ANKFN1: variants seen among roughly 807,000 people sequenced by gnomAD.
ANKFN1 encodes ankyrin repeat and fibronectin type III domain containing 1.
Under a neutral mutation model 108.7 loss-of-function variants are expected in ANKFN1, and 74 were observed. The observed-to-expected ratio is 0.68, with a 90% CI of 0.56 to 0.83. ANKFN1 has a LOEUF of 0.83. Ranked by LOEUF, ANKFN1 falls within the 40% of genes least tolerant of loss-of-function variation. The pLI, the probability that ANKFN1 is intolerant of heterozygous loss-of-function variation, is 0.00. For synonymous variants in ANKFN1, 547 were observed against 516.2 expected, an observed-to-expected ratio of 1.06 and a Z score of -0.81; for missense variants, 1,505 against 1,382.3, an observed-to-expected ratio of 1.09 and a Z score of -1.41.
chr17:56,361,821 A>G (rs1422916288), intron 6 of ANKFN1, among the ~76,000 whole-genome samples: 6 of 152,100 alleles, frequency 3.9e-5, no homozygotes, highest in South Asian at 2.1e-4. Flanking sequence ...TTCTTGCTAT[A>G]TGGGTCTCTC....
intron 1 of ANKFN1, among the ~76,000 whole-genome samples, chr17:56,205,892 A>T (rs935688778): frequency 9.2e-5 from 14 of 152,152 alleles, no homozygotes; most frequent in African/African-American, 3.4e-4. Context: ...CCCCTACAGG[A>T]GAAGTAATCA....
chr17:56,231,627 C>T (rs1916742871), intron 3 of ANKFN1, among the ~76,000 whole-genome samples: 1 of 152,156 alleles, frequency 6.6e-6, no homozygotes, highest in South Asian at 2.1e-4. Context: ...GGGCCTATGC[C>T]CATCGTTCTT....
intron 4 of ANKFN1, among the ~76,000 whole-genome samples, chr17:56,056,215 A>T (rs368639725): frequency 9.4e-4 from 143 of 151,886 alleles, no homozygotes; most frequent in African/African-American, 3.3e-3. Context: ...TGCTGTGCAG[A>T]CTCTTTTTAT....
chr17:56,405,824 G>A (rs1039342559), intron 8 of ANKFN1, among the ~76,000 whole-genome samples: 1 of 152,102 alleles, frequency 6.6e-6, no homozygotes, highest in Non-Finnish European at 1.5e-5. Context: ...TAAAATTGAG[G>A]GAGGAGGATC....
At chr17:56,238,078 G>T (rs2143976300) in intron 3 of ANKFN1, among the ~76,000 whole-genome samples, 1 of 152,174 alleles carries the variant, frequency 6.6e-6, no homozygotes, top group Middle Eastern at 3.4e-3. Context: ...CCATGTAATT[G>T]CATGACTTTG....
chr17:56,192,110 A>G (rs1296341290), intron 1 of ANKFN1, among the ~76,000 whole-genome samples: 1 of 152,056 alleles, frequency 6.6e-6, no homozygotes, highest in Non-Finnish European at 1.5e-5. Context: ...ACCTACAACT[A>G]TCTGATCTTT....
Position 56,144,184 on chromosome 17 carries a change from A to T in ANKFN1, c.289-83733A>T, listed in dbSNP as rs74386475. Among the ~76,000 whole-genome samples the T allele has an allele frequency of 6.0e-3, 466 of 78,198 alleles. 72 individuals are homozygous for T. The highest frequency in any genetic ancestry group is 8.7e-3 in the East Asian group (17 of 1,964). The allele number at this position is 78,198 out of a possible 152,430, so 51.3% of individuals were successfully genotyped here. ...AAAAAAAAAAAAAAAAAAAAAAAAA[A>T]ACAGCCCAAACCAAATGAATGCAGA... is the stretch of plus-strand genomic sequence containing the variant. On this transcript the variant is annotated intron_variant, in intron 4 of 12. Coordinates refer to the ANKFN1 transcript ENST00000635860.
At chr17:56,440,290 C>CTCTT in intron 8 of ANKFN1, 37 bp from the exon 9 acceptor site, 1 of 1,356,194 alleles carries the variant, frequency 7.4e-7, no homozygotes. Flanking sequence ...TTTATTCTCC[C>CTCTT]TCTTTCTCTC....
chr17:56,205,888 CAGG>C (rs1183691130), intron 1 of ANKFN1, among the ~76,000 whole-genome samples: 1 of 152,146 alleles, frequency 6.6e-6, no homozygotes, highest in Non-Finnish European at 1.5e-5. Context: ...CCCTCCCCTA[CAGG>C]AGAAGTAATC....
At chr17:56,187,367 A>G (rs571154577) in intron 1 of ANKFN1, among the ~76,000 whole-genome samples, 2 of 152,364 alleles carry the variant, frequency 1.3e-5, no homozygotes, top group African/African-American at 4.8e-5. Flanking sequence ...AGAGAAATGC[A>G]AATCAAAACC....
chr17:56,086,964 A>G (rs1905326661), intron 4 of ANKFN1, among the ~76,000 whole-genome samples: 1 of 151,356 alleles, frequency 6.6e-6, no homozygotes. Context: ...CTTTTCAGGC[A>G]TTTATTATTA....
In ANKFN1 at chr17:56,129,502, A is replaced by G. The variant is rs191805118; in HGVS notation, c.288+83177A>G. 2.6e-5 allele frequency among the ~76,000 whole-genome samples: 4 copies of G among 152,040 alleles called. No homozygotes were observed. The East Asian group carries it at 7.7e-4, about 29-fold the overall frequency. ...AACCACTCCATAAAAAAAAAAAAGTACAATGATATATATTTATTTAATTGT... is the reference window on the plus strand; with the variant it reads ...AACCACTCCATAAAAAAAAAAAAGTGCAATGATATATATTTATTTAATTGT... On this transcript the variant is annotated intron_variant, in intron 4 of 12. Transcript: ENST00000635860.
intron 15 of ANKFN1, among the ~76,000 whole-genome samples, chr17:56,467,743 CAAAGAAAGAAAGAAAG>C (rs759980897): frequency 1.2e-4 from 9 of 72,622 alleles, no homozygotes; most frequent in African/African-American, 2.0e-4. Flanking sequence ...AAGAAAGAAA[CAAAGAAAGAAAGAAAG>C]AAAGAAAGAA....
intron 4 of ANKFN1, among the ~76,000 whole-genome samples, chr17:56,067,114 G>A (rs1038701019): frequency 5.3e-5 from 8 of 152,092 alleles, no homozygotes; most frequent in African/African-American, 7.2e-5. Flanking sequence ...AGCAGAACCC[G>A]GGAGGCAGAG....
At chr17:56,478,347 T>C (rs1486178151) in intron 16 of ANKFN1, among the ~76,000 whole-genome samples, 1 of 152,184 alleles carries the variant, frequency 6.6e-6, no homozygotes, top group Non-Finnish European at 1.5e-5. Context: ...TCTTTTTGCT[T>C]TCTGTTTTTA....
intron 4 of ANKFN1, among the ~76,000 whole-genome samples, chr17:56,094,649 G>T (rs182456611): frequency 1.0e-4 from 12 of 114,582 alleles, no homozygotes; most frequent in Admixed American, 8.7e-4. Context: ...GACTACAGGC[G>T]CACACCACCA....
In ANKFN1 at chr17:56,511,110, C is replaced by G. The variant is rs551249819; in HGVS notation, c.3282C>G (p.Pro1094=). 2.3e-5 allele frequency: 36 copies of G among 1,535,994 alleles called. 1 individual carries two copies. In the Admixed American group the frequency reaches 5.9e-4, roughly 25 times the overall value. The change falls in exon 21 of 21, where the codon CCC becomes CCG. Residue 1094 remains proline (P), a synonymous_variant. Transcript: ENST00000682825. ...CCGTCCGCCGCCTCTACGTGGAGCC[C>G]TACGCAGCGGCCGTGGTGGCCCAGG... The part of the protein sequence containing the change: ...RPSVRRLYVE[P]YAAAVVAQDE...
chr17:56,185,488 A>G (rs958045860), intron 1 of ANKFN1, among the ~76,000 whole-genome samples: 3 of 152,282 alleles, frequency 2.0e-5, no homozygotes, highest in Non-Finnish European at 2.9e-5. Flanking sequence ...TCTGTCGAAG[A>G]ATGGGTCAGA....
At chr17:56,095,122 C>G (rs1905508983) in intron 4 of ANKFN1, among the ~76,000 whole-genome samples, 1 of 150,852 alleles carries the variant, frequency 6.6e-6, no homozygotes, top group African/African-American at 2.4e-5. Flanking sequence ...AATACAGATG[C>G]TAAATATAGG....
Sources: allele counts gnomAD v4.1 joint callset (sites outside exome capture counted in the v4.1 genomes callset), GRCh38; gene constraint gnomAD v4.1.1; transcripts MANE v1.5; gene names NCBI Gene and HGNC (gene_info 2026-07-23, HGNC 2026-07-21).